MARCHF1: variants seen among roughly 807,000 people sequenced by gnomAD.
The protein encoded by MARCHF1 is membrane associated ring-CH-type finger 1.
In MARCHF1, 40 loss-of-function variants were observed where a neutral mutation model predicts 54.2. That is an observed-to-expected ratio of 0.74 (90% CI 0.57 to 0.96). The LOEUF is 0.96. MARCHF1 is among the 40% of genes least tolerant of loss of function. MARCHF1 has a pLI of 0.00. For synonymous variants in MARCHF1, 236 were observed against 236.3 expected, an observed-to-expected ratio of 1.00 and a Z score of 0.01; for missense variants, 586 against 656.5, an observed-to-expected ratio of 0.89 and a Z score of 1.17.
In MARCHF1 at chr4:163,700,801, T is replaced by C; in HGVS notation, c.162+12A>G. The C allele has an allele frequency of 6.5e-7, 1 of 1,533,284 alleles. No homozygotes were observed. Among genetic ancestry groups the C allele is most frequent in the Non-Finnish European group, 8.7e-7 (1 of 1,143,664 alleles). The allele number at this position is 1,533,284 out of a possible 1,614,324, so 95.0% of individuals were successfully genotyped here. On this transcript the variant is annotated intron_variant, in intron 5 of 9. Transcript: ENST00000514618. ...AGAAGTCAACAAACAAGAAAATGAG[T>C]ACTTCACCTACTTTTGAAATGTTAC...
At chr4:163,951,631 G>A (rs1325839180) in intron 3 of MARCHF1, among the ~76,000 whole-genome samples, 1 of 152,190 alleles carries the variant, frequency 6.6e-6, no homozygotes, top group Non-Finnish European at 1.5e-5. Context: ...AAGCAGACGG[G>A]ACCAGAGTAA....
intron 4 of MARCHF1, among the ~76,000 whole-genome samples, chr4:163,805,734 C>G (rs1474418985): frequency 6.6e-6 from 1 of 152,118 alleles, no homozygotes; most frequent in African/African-American, 2.4e-5. Context: ...TTGGTGTATT[C>G]CATGCCACAA....
At chr4:164,351,639 G>T (rs11723870) in intron 1 of MARCHF1, among the ~76,000 whole-genome samples, 62,010 of 151,546 alleles carry the variant, frequency 0.41, 13,585 homozygotes, top group Non-Finnish European at 0.49. Context: ...ACCAAAAGTA[G>T]ATAAAACCAC....
intron 4 of MARCHF1, among the ~76,000 whole-genome samples, chr4:163,840,993 A>G (rs1410297382): frequency 6.6e-6 from 1 of 152,104 alleles, no homozygotes; most frequent in Non-Finnish European, 1.5e-5. Flanking sequence ...AAATCTCTGT[A>G]CTGCATTTAC....
intron 3 of MARCHF1, among the ~76,000 whole-genome samples, chr4:163,858,935 A>C (rs553279791): frequency 3.0e-4 from 45 of 152,248 alleles, no homozygotes; most frequent in African/African-American, 1.1e-3. Context: ...TGTACTGCAG[A>C]TGTGTCCTGG....
chr4:163,765,916 T>G (rs1460980448), intron 4 of MARCHF1, among the ~76,000 whole-genome samples: 1 of 147,726 alleles, frequency 6.8e-6, no homozygotes, highest in Non-Finnish European at 1.5e-5. Context: ...ATATAATATA[T>G]AATTATATAT....
intron 9 of MARCHF1, among the ~76,000 whole-genome samples, chr4:163,542,686 C>T (rs1738759034): frequency 1.3e-5 from 2 of 152,158 alleles, no homozygotes; most frequent in Admixed American, 6.5e-5. Context: ...TAGGCTTCTT[C>T]AGTACAAACT....
At chr4:163,850,294 G>A (rs1440427054) in intron 4 of MARCHF1, among the ~76,000 whole-genome samples, 1 of 152,180 alleles carries the variant, frequency 6.6e-6, no homozygotes, top group Non-Finnish European at 1.5e-5. Flanking sequence ...TGTATCTGGG[G>A]AGATGTACTC....
intron 3 of MARCHF1, among the ~76,000 whole-genome samples, chr4:163,943,808 C>T (rs1751967794): frequency 6.6e-6 from 1 of 150,636 alleles, no homozygotes. Context: ...GTAGAGCCTT[C>T]CACGGAATTT....
intron 3 of MARCHF1, among the ~76,000 whole-genome samples, chr4:163,981,739 C>A (rs780676656): frequency 6.6e-6 from 1 of 152,140 alleles, no homozygotes; most frequent in Non-Finnish European, 1.5e-5. Flanking sequence ...GGCTAATCAG[C>A]GAGTTTTAAA....
chr4:163,926,516 T>C (rs1751541749), intron 3 of MARCHF1, among the ~76,000 whole-genome samples: 1 of 151,670 alleles, frequency 6.6e-6, no homozygotes, highest in Admixed American at 6.6e-5. Flanking sequence ...ATGGAATTTC[T>C]GGCAAAAGGC....
chr4:163,773,186 A>C (rs1747209351), intron 4 of MARCHF1, among the ~76,000 whole-genome samples: 1 of 152,112 alleles, frequency 6.6e-6, no homozygotes, highest in Non-Finnish European at 1.5e-5. Flanking sequence ...GTGTTATGAA[A>C]GGCGGAGCAG....
At chr4:164,262,257 G>A (rs116803708) in intron 1 of MARCHF1, among the ~76,000 whole-genome samples, 66 of 152,116 alleles carry the variant, frequency 4.3e-4, no homozygotes, top group African/African-American at 1.4e-3. Context: ...TGCAGACTTG[G>A]GAGGAAAAAT....
At chr4:164,245,681 G>C (rs1393952424) in intron 1 of MARCHF1, among the ~76,000 whole-genome samples, 1 of 151,856 alleles carries the variant, frequency 6.6e-6, no homozygotes, top group Non-Finnish European at 1.5e-5. Flanking sequence ...CAGATGACAT[G>C]ATTATATATC....
intron 1 of MARCHF1, among the ~76,000 whole-genome samples, chr4:164,316,319 A>T (rs573123537): frequency 1.3e-5 from 2 of 152,294 alleles, no homozygotes; most frequent in African/African-American, 4.8e-5. Context: ...AATAAGTCAT[A>T]CTAGCAACTA....
intron 9 of MARCHF1, among the ~76,000 whole-genome samples, chr4:163,532,602 G>T (rs947243865): frequency 1.3e-5 from 2 of 151,800 alleles, no homozygotes; most frequent in African/African-American, 2.4e-5. Flanking sequence ...AGAATGAAAA[G>T]CCACAGGAAA....
chr4:163,825,939 C>T (rs552424247), intron 4 of MARCHF1, among the ~76,000 whole-genome samples: 1 of 152,060 alleles, frequency 6.6e-6, no homozygotes, highest in East Asian at 1.9e-4. Flanking sequence ...TACCTACCCC[C>T]TACACCCAGT....
At chr4:163,995,871 T>A (rs4353857) in intron 2 of MARCHF1, among the ~76,000 whole-genome samples, 143,735 of 152,038 alleles carry the variant, frequency 0.95, 68,466 homozygotes, top group East Asian at 1. Flanking sequence ...TTTCTGACCC[T>A]ATTTGATGAG....
At chr4:163,595,356 AT>A (rs57262002) in intron 7 of MARCHF1, among the ~76,000 whole-genome samples, 78,533 of 147,812 alleles carry the variant, frequency 0.53, 21,243 homozygotes, top group African/African-American at 0.62. Flanking sequence ...TAAAAATAAA[AT>A]AAAAAAAAAA....
Sources: allele counts gnomAD v4.1 joint callset (sites outside exome capture counted in the v4.1 genomes callset), GRCh38; gene constraint gnomAD v4.1.1; transcripts MANE v1.5; gene names NCBI Gene and HGNC (gene_info 2026-07-23, HGNC 2026-07-21).